WWC2: variants seen among roughly 807,000 people sequenced by gnomAD.
WWC2 encodes protein WWC2.
A neutral mutation model predicts 138.5 loss-of-function variants in WWC2; 101 were observed. The observed-to-expected ratio is 0.73, with a 90% CI of 0.62 to 0.86. The LOEUF (loss-of-function observed/expected upper bound fraction) is 0.86. WWC2 is among the 40% of genes least tolerant of loss of function. The pLI, the probability that WWC2 is intolerant of heterozygous loss-of-function variation, is 0.00. For missense variants in WWC2, 1,420 were observed against 1,419.4 expected, an observed-to-expected ratio of 1.00 and a Z score of -0.01; for synonymous variants, 558 against 538.4, an observed-to-expected ratio of 1.04 and a Z score of -0.50.
At chr4:183,156,223 G>A (rs908640882) in intron 1 of WWC2, among the ~76,000 whole-genome samples, 1 of 151,668 alleles carries the variant, frequency 6.6e-6, no homozygotes, top group African/African-American at 2.4e-5. Context: ...ATGGGGTTTT[G>A]CCATGTTGGC....
At chr4:183,301,299 C>A (rs1738832894) in intron 21 of WWC2, among the ~76,000 whole-genome samples, 1 of 152,002 alleles carries the variant, frequency 6.6e-6, no homozygotes, top group Non-Finnish European at 1.5e-5. Context: ...CATTTGTCAC[C>A]CTTGTATTTG....
rs538845655 is a variant in WWC2 at position 183,245,623 on chromosome 4, T to A, written c.732+78T>A. 2.1e-6 allele frequency: 3 copies of A among 1,421,662 alleles called. No homozygotes were observed. In the Admixed American group the frequency reaches 7.8e-5, roughly 37 times the overall value. 88.1% of individuals were successfully genotyped at this position (1,421,662 alleles called of 1,614,324 possible). A position where few individuals can be genotyped will look rare whatever the true frequency, so the allele number is the denominator to read the frequency against. ...GAAACTCTTACTGGGGCAGAAGTGCTCCCTCAGAGTCTGGATGACCCTTCT... is the reference window on the plus strand; with the variant it reads ...GAAACTCTTACTGGGGCAGAAGTGCACCCTCAGAGTCTGGATGACCCTTCT... On this transcript the variant is annotated intron_variant, in intron 6 of 22. Transcript: ENST00000403733.
chr4:183,138,610 T>C (rs1391019112), intron 1 of WWC2, among the ~76,000 whole-genome samples: 1 of 152,152 alleles, frequency 6.6e-6, no homozygotes, highest in Admixed American at 6.5e-5. Context: ...GTATGGTCCT[T>C]TATATAAAAC....
In WWC2 at chr4:183,271,062, T is replaced by C. The variant is rs1448235985; in HGVS notation, c.2401-18T>C. On this transcript the variant is annotated intron_variant, in intron 15 of 22. Coordinates refer to ENST00000403733, the MANE Select transcript of WWC2 (RefSeq NM_024949.6). ...CTCTTCCTTATTTTTTTTTCTTTGT[T>C]TTCTTTCACTTACATAGGCTGGAAC... 1 of 1,491,706 alleles carries C rather than the reference T, an allele frequency of 6.7e-7. No homozygotes were observed. The highest frequency in any genetic ancestry group is 8.9e-7 in the Non-Finnish European group (1 of 1,120,212). The allele number at this position is 1,491,706 out of a possible 1,614,324, so 92.4% of individuals were successfully genotyped here.
intron 21 of WWC2, among the ~76,000 whole-genome samples, chr4:183,301,843 A>G (rs1032151491): frequency 2.6e-5 from 4 of 152,224 alleles, no homozygotes; most frequent in Admixed American, 6.5e-5. Context: ...CTGTTGACAA[A>G]TTGGTGTATG....
At chr4:183,265,514 C>T (rs949799876) in intron 12 of WWC2, among the ~76,000 whole-genome samples, 174 bp from the exon 13 acceptor site, 3 of 152,226 alleles carry the variant, frequency 2.0e-5, no homozygotes, top group African/African-American at 4.8e-5. Flanking sequence ...GAGGCGGGCT[C>T]TTCTTGAAAA....
At chr4:183,289,330 G>T in intron 20 of WWC2, 63 bp from the exon 21 acceptor site, 2 of 1,557,512 alleles carry the variant, frequency 1.3e-6, no homozygotes, top group East Asian at 2.3e-5. Context: ...AGGAAGGAGG[G>T]GAAGTGGGGT....
intron 17 of WWC2, 67 bp downstream of exon 17, chr4:183,280,964 A>G: frequency 6.7e-7 from 1 of 1,493,082 alleles, no homozygotes; most frequent in Non-Finnish European, 8.9e-7. Flanking sequence ...TTACAGTGAA[A>G]CCTTTGTAGG....
chr4:183,198,252 A>G (rs1262135680), intron 2 of WWC2, among the ~76,000 whole-genome samples: 2 of 152,244 alleles, frequency 1.3e-5, no homozygotes, highest in East Asian at 3.8e-4. Context: ...AGTAGAAAAT[A>G]TAGATAAATG....
At chr4:183,285,524 C>A (rs991289648) in intron 19 of WWC2, among the ~76,000 whole-genome samples, 1 of 152,080 alleles carries the variant, frequency 6.6e-6, no homozygotes, top group Non-Finnish European at 1.5e-5. Context: ...ACTTTGGGAG[C>A]CCGAGGAGAG....
chr4:183,113,511 TGTGTGCGCGCGCGTGC>T (rs1405249882), intron 1 of WWC2, among the ~76,000 whole-genome samples: 3 of 130,160 alleles, frequency 2.3e-5, no homozygotes, highest in Middle Eastern at 3.6e-3. Flanking sequence ...TGTGTGTGTG[TGTGTGCGCGCGCGTGC>T]GCGCGCACAT....
At chr4:183,106,955 T>C (rs1291963005) in intron 1 of WWC2, among the ~76,000 whole-genome samples, 5 of 152,178 alleles carry the variant, frequency 3.3e-5, no homozygotes, top group Non-Finnish European at 7.4e-5. Flanking sequence ...AAAGTGGAGT[T>C]GCTGGGTCAT....
chr4:183,146,485 A>G (rs1037121729), intron 1 of WWC2, among the ~76,000 whole-genome samples: 2 of 152,192 alleles, frequency 1.3e-5, no homozygotes, highest in African/African-American at 2.4e-5. Context: ...AAGCTTTGAC[A>G]ATGAGATGTA....
intron 4 of WWC2, among the ~76,000 whole-genome samples, chr4:183,217,689 C>G (rs1408217747): frequency 6.6e-6 from 1 of 151,714 alleles, no homozygotes; most frequent in African/African-American, 2.4e-5. Context: ...AATAAAAGAT[C>G]AGTGAAGTTA....
At chr4:183,173,307 C>T (rs1734345709) in intron 1 of WWC2, among the ~76,000 whole-genome samples, 1 of 152,258 alleles carries the variant, frequency 6.6e-6, no homozygotes, top group Non-Finnish European at 1.5e-5. Flanking sequence ...CTGCCTTGGC[C>T]TCCCAAAGTG....
chr4:183,288,678 A>G (rs1738332831), intron 20 of WWC2, among the ~76,000 whole-genome samples: 1 of 152,190 alleles, frequency 6.6e-6, no homozygotes, highest in Non-Finnish European at 1.5e-5. Flanking sequence ...GCAGACATTT[A>G]TTCATATATG....
Position 183,315,940 on chromosome 4 carries a change from A to G in WWC2, c.*211A>G, listed in dbSNP as rs1397537124. On this transcript the variant is annotated 3_prime_UTR_variant, in exon 23 of 23. Coordinates refer to ENST00000403733, the MANE Select transcript of WWC2 (RefSeq NM_024949.6). ...TTATATGCTTAAAAAAGAAAAAATC[A>G]TATAAGAAAGATGGGATAACCTGGT... is the stretch of plus-strand genomic sequence containing the variant. 1.1e-5 allele frequency: 5 copies of G among 467,748 alleles called. No individual in the cohort carries two copies. In the East Asian group the frequency reaches 1.5e-4, roughly 14 times the overall value. 29.0% of individuals were successfully genotyped at this position (467,748 alleles called of 1,614,324 possible).
rs753321213 is a variant in WWC2 at position 183,113,767 on chromosome 4, A to ATT, written c.131+14160_131+14161dup. ...CTACTCTATGGAGAAGGAATTACAG[A>ATT]TTTTTTTTTTTTTTTTAGTGAGATA... On this transcript the variant is annotated intron_variant, in intron 1 of 22. Coordinates refer to ENST00000403733, the MANE Select transcript of WWC2 (RefSeq NM_024949.6). 1.1e-4 allele frequency among the ~76,000 whole-genome samples: 16 copies of ATT among 140,102 alleles called. No individual in the cohort carries two copies. The East Asian group carries it at 1.9e-3, about 16-fold the overall frequency. The allele number at this position is 140,102 out of a possible 152,430, so 91.9% of individuals were successfully genotyped here.
intron 1 of WWC2, among the ~76,000 whole-genome samples, chr4:183,113,173 G>C (rs1438648182): frequency 6.6e-6 from 1 of 151,882 alleles, no homozygotes; most frequent in Non-Finnish European, 1.5e-5. Flanking sequence ...TTGAGAGGTT[G>C]AGGCAGCAGA....
Sources: gnomAD v4.1 joint callset for allele counts (sites outside exome capture counted in the v4.1 genomes callset) on GRCh38, gnomAD v4.1.1 for gene constraint, MANE v1.5 for transcripts, NCBI Gene and HGNC (gene_info 2026-07-23, HGNC 2026-07-21) for gene names.